PEX2: variants seen among roughly 807,000 people sequenced by gnomAD.
PEX2 encodes peroxisome biogenesis factor 2.
Under a neutral mutation model 25.2 loss-of-function variants are expected in PEX2, and 19 were observed. That is an observed-to-expected ratio of 0.75 (90% CI 0.53 to 1.10). PEX2 has a LOEUF of 1.10. PEX2 is among the 50% of genes least tolerant of loss of function. PEX2 has a pLI of 0.00. For missense variants in PEX2, 347 were observed against 350.6 expected, an observed-to-expected ratio of 0.99 and a Z score of 0.08; for synonymous variants, 141 against 127.7, an observed-to-expected ratio of 1.10 and a Z score of -0.70.
At chr8:76,987,036 A>G (rs2132048506) in intron 2 of PEX2, among the ~76,000 whole-genome samples, 1 of 152,276 alleles carries the variant, frequency 6.6e-6, no homozygotes, top group South Asian at 2.1e-4. Context: ...CTTTAAAACT[A>G]TTTCAAATTA....
chr8:76,992,121 G>C (rs1051348780), intron 1 of PEX2, among the ~76,000 whole-genome samples: 9 of 152,106 alleles, frequency 5.9e-5, no homozygotes, highest in Admixed American at 5.9e-4. Context: ...AGGCAGGAGT[G>C]GGCAGAGATA....
At chr8:76,987,549 A>G (rs1486315267) in intron 2 of PEX2, among the ~76,000 whole-genome samples, 1 of 152,224 alleles carries the variant, frequency 6.6e-6, no homozygotes, top group African/African-American at 2.4e-5. Flanking sequence ...GCAAATAACT[A>G]GTAAGATTTA....
At chr8:76,995,945 TTACC>T (rs1807314421) in intron 1 of PEX2, among the ~76,000 whole-genome samples, 2 of 152,080 alleles carry the variant, frequency 1.3e-5, no homozygotes, top group African/African-American at 4.8e-5. Context: ...AACTGTAAGT[TTACC>T]TACCTATCTA....
chr8:76,998,674 C>T (rs1807405159), intron 1 of PEX2, among the ~76,000 whole-genome samples: 1 of 152,082 alleles, frequency 6.6e-6, no homozygotes, highest in Non-Finnish European at 1.5e-5. Context: ...GTTATTCAAG[C>T]GGAACACCTA....
At chr8:77,000,262 A>C (rs948965960), upstream of PEX2, 1 of 304,058 alleles carries the variant, frequency 3.3e-6, no homozygotes, top group African/African-American at 2.3e-5. Context: ...GCCGAAGCGG[A>C]CACCCGCGCG....
At chr8:76,999,806 G>T (rs551586998) in intron 1 of PEX2, 184 bp downstream of exon 1, 1 of 456,438 alleles carries the variant, frequency 2.2e-6, no homozygotes, top group Non-Finnish European at 4.4e-6. Flanking sequence ...AGGAGTTTAG[G>T]TTTGCTTCAC....
At chr8:76,994,248 A>G (rs550749751) in intron 1 of PEX2, among the ~76,000 whole-genome samples, 22 of 152,316 alleles carry the variant, frequency 1.4e-4, no homozygotes, top group African/African-American at 5.1e-4. Flanking sequence ...TTTGCCATCT[A>G]TATCACATTC....
Position 76,983,093 on chromosome 8 carries a change from G to C in PEX2, c.*168C>G, listed in dbSNP as rs1806883822. On this transcript the variant is annotated 3_prime_UTR_variant, in exon 4 of 4. Coordinates refer to ENST00000357039, the MANE Select transcript of PEX2 (RefSeq NM_000318.3). ...CATTAACATTTACATAATATATTTA[G>C]AATCACATGGTTTCCAGTGATTAGA... The C allele has an allele frequency of 2.8e-6, 4 of 1,441,944 alleles. No individual in the cohort carries two copies. The highest frequency in any genetic ancestry group is 1.4e-5 in the South Asian group (1 of 70,908). 89.3% of individuals were successfully genotyped at this position (1,441,944 alleles called of 1,614,324 possible).
At chr8:76,988,418 A>G (rs1430948683) in intron 1 of PEX2, 80 bp from the exon 2 acceptor site, 1 of 152,250 alleles carries the variant, frequency 6.6e-6, no homozygotes, top group African/African-American at 2.4e-5. Flanking sequence ...TTATATTTTC[A>G]CTATACTGCA....
In PEX2 at chr8:76,987,345, T is replaced by C. The variant is rs17367674; in HGVS notation, c.-128+962A>G. Among the ~76,000 whole-genome samples the C allele has an allele frequency of 8.3e-3, 1,259 of 152,224 alleles. 13 individuals carry two copies. The highest frequency in any genetic ancestry group is 0.02 in the Middle Eastern group (6 of 294). On this transcript the variant is annotated intron_variant, in intron 2 of 3. Coordinates refer to ENST00000357039, the MANE Select transcript of PEX2 (RefSeq NM_000318.3). ...GCAATACCTAAGCAGCCACCTGATA[T>C]TAGCATGTCAGCCTGGTAAAGGAGG...
At chr8:76,989,938 T>C (rs1361125427) in intron 1 of PEX2, among the ~76,000 whole-genome samples, 1 of 152,236 alleles carries the variant, frequency 6.6e-6, no homozygotes, top group Non-Finnish European at 1.5e-5. Flanking sequence ...TGAAGCCACA[T>C]ATTGGCTTCT....
intron 1 of PEX2, among the ~76,000 whole-genome samples, chr8:76,996,802 T>C (rs1035775858): frequency 3.8e-5 from 5 of 130,472 alleles, no homozygotes; most frequent in South Asian, 5.1e-4. Context: ...ACATTCTTTA[T>C]TTCATTTAAT....
At chr8:77,000,133 C>A, upstream of PEX2, 1 of 330,122 alleles carries the variant, frequency 3.0e-6, no homozygotes, top group Admixed American at 4.3e-5. Flanking sequence ...CCGGAAGTGG[C>A]TGAAAAAAAA....
intron 1 of PEX2, among the ~76,000 whole-genome samples, chr8:76,995,762 T>C (rs960005896): frequency 1.3e-5 from 2 of 152,212 alleles, no homozygotes; most frequent in African/African-American, 4.8e-5. Flanking sequence ...TGAGAATGCT[T>C]ATTGTGAAAA....
intron 1 of PEX2, among the ~76,000 whole-genome samples, chr8:76,995,051 G>C (rs1353035049): frequency 6.6e-6 from 1 of 152,160 alleles, no homozygotes; most frequent in Non-Finnish European, 1.5e-5. Flanking sequence ...AAAGAAAAAA[G>C]GCTATGGCTG....
rs1296061544 is a variant in PEX2 at position 76,982,892 on chromosome 8, T to C, written c.*369A>G. ...ATAATTGTCACATTATCATATTATG[T>C]CAACTCTGAAAATAAATGCACACTC... On this transcript the variant is annotated 3_prime_UTR_variant, in exon 4 of 4. Coordinates refer to ENST00000357039, the MANE Select transcript of PEX2 (RefSeq NM_000318.3). 1 of 283,348 alleles carries C rather than the reference T, an allele frequency of 3.5e-6. No individual in the cohort carries two copies. Among genetic ancestry groups the C allele is most frequent in the African/African-American group, 2.3e-5 (1 of 44,200 alleles). 17.6% of individuals were successfully genotyped at this position (283,348 alleles called of 1,614,324 possible). A position where few individuals can be genotyped will look rare whatever the true frequency, so the allele number is the denominator to read the frequency against.
At chr8:76,989,815 T>C (rs1230396578) in intron 1 of PEX2, among the ~76,000 whole-genome samples, 1 of 152,218 alleles carries the variant, frequency 6.6e-6, no homozygotes, top group Non-Finnish European at 1.5e-5. Flanking sequence ...AGTTCTAGCA[T>C]AATTCTTAAG....
At chr8:76,993,844 G>T (rs4562293) in intron 1 of PEX2, among the ~76,000 whole-genome samples, 144,854 of 152,184 alleles carry the variant, frequency 0.95, 69,085 homozygotes, top group East Asian at 0.99. Flanking sequence ...AGGGGAGAGA[G>T]ATATTTATTG....
At chr8:76,984,458 A>G (rs1244578450) in intron 3 of PEX2, among the ~76,000 whole-genome samples, 2 of 152,172 alleles carry the variant, frequency 1.3e-5, no homozygotes, top group South Asian at 2.1e-4. Flanking sequence ...AGAAATAACA[A>G]CAAAACAAAA....
Sources: gnomAD v4.1 joint callset for allele counts (sites outside exome capture counted in the v4.1 genomes callset) on GRCh38, gnomAD v4.1.1 for gene constraint, MANE v1.5 for transcripts, NCBI Gene and HGNC (gene_info 2026-07-23, HGNC 2026-07-21) for gene names.